Variants in DAAM2 observed in about 807,000 individuals in gnomAD.
The protein encoded by DAAM2 is disheveled-associated activator of morphogenesis 2.
A neutral mutation model predicts 120.7 loss-of-function variants in DAAM2; 39 were observed. The ratio of observed to expected loss-of-function variants is 0.32; its 90% CI spans 0.25 to 0.42. The LOEUF is 0.42. Among genes scored for constraint, DAAM2 ranks in the 10% least tolerant of loss-of-function variants. The pLI is 1.00. For synonymous variants in DAAM2, 488 were observed against 524.9 expected (o/e 0.93, Z 0.96); for missense variants, 1,283 against 1,401.7 (o/e 0.92, Z 1.35).
chr6:39,831,216 G>A (rs1383780049), intron 1 of DAAM2, among the ~76,000 whole-genome samples: 1 of 152,176 alleles, frequency 6.6e-6, no homozygotes. Flanking sequence ...TTGTGGGAGG[G>A]ATAATGAATA....
At chr6:39,866,504 T>G (rs1474764587) in intron 5 of DAAM2, among the ~76,000 whole-genome samples, 1 of 152,248 alleles carries the variant, frequency 6.6e-6, no homozygotes, top group Non-Finnish European at 1.5e-5. Flanking sequence ...TCATTAATTA[T>G]TTTACTAAAT....
At chr6:39,847,377 T>G (rs1268753236) in intron 1 of DAAM2, among the ~76,000 whole-genome samples, 1 of 152,120 alleles carries the variant, frequency 6.6e-6, no homozygotes, top group Non-Finnish European at 1.5e-5. Context: ...TCCCTGCGCC[T>G]TTCAGTAACA....
At chr6:39,833,977 A>G (rs1763011616) in intron 1 of DAAM2, among the ~76,000 whole-genome samples, 1 of 152,206 alleles carries the variant, frequency 6.6e-6, no homozygotes, top group South Asian at 2.1e-4. Context: ...GAAGTCAAGC[A>G]ACTTTCCCAA....
At chr6:39,864,368 C>T (rs1298860584) in intron 3 of DAAM2, 65 bp from the exon 4 acceptor site, 4 of 1,274,042 alleles carry the variant, frequency 3.1e-6, no homozygotes, top group Non-Finnish European at 4.5e-6. Flanking sequence ...CGGAATGAAG[C>T]TCAGGATCTC....
chr6:39,880,982 C>T (rs1346181855), intron 14 of DAAM2, among the ~76,000 whole-genome samples: 2 of 152,220 alleles, frequency 1.3e-5, no homozygotes, highest in Non-Finnish European at 2.9e-5. Flanking sequence ...CAGAAAATAA[C>T]ATTTTGTATT....
intron 17 of DAAM2, among the ~76,000 whole-genome samples, chr6:39,890,666 T>G (rs1765656492): frequency 6.6e-6 from 1 of 152,242 alleles, no homozygotes; most frequent in African/African-American, 2.4e-5. Flanking sequence ...TGAATGATGA[T>G]TCAATGGATG....
Position 39,900,070 on chromosome 6 carries a change from T to C in DAAM2, c.2680-7T>C. The C allele has an allele frequency of 1.3e-6, 2 of 1,599,802 alleles. No homozygotes were observed. The highest frequency in any genetic ancestry group is 1.7e-6 in the Non-Finnish European group (2 of 1,173,390). The stretch of plus-strand genomic sequence containing the variant: ...AGTCTAAGCAGCACTTCACCCTCCC[T>C]CCTCAGGAGCTGGAGTATCAGAGGC... On this transcript the variant is annotated splice_region_variant and splice_polypyrimidine_tract_variant and intron_variant, in intron 22 of 24. Coordinates refer to ENST00000274867, the MANE Select transcript of DAAM2 (RefSeq NM_001201427.2).
intron 2 of DAAM2, 149 bp downstream of exon 2, chr6:39,856,619 A>G (rs1413157574): frequency 3.1e-5 from 17 of 550,256 alleles, no homozygotes; most frequent in South Asian, 4.4e-5. Flanking sequence ...CACCTCAGCT[A>G]TGTTGGGGAA....
At position 39,884,152 on chromosome 6, in the gene DAAM2, CTTCCT is replaced by C. The variant is rs879010317; in HGVS notation, c.1953+100_1953+104del. On this transcript the variant is annotated intron_variant, in intron 15 of 24. Transcript: ENST00000274867. ...TCTCCTTTTCTTTCTGCCTGCCTGC[CTTCCT>C]TTCCTTTCCTTTCCTTCCTTCCCTT... The C allele has an allele frequency of 2.0e-4, 148 of 733,960 alleles. 1 individual carries two copies. The highest frequency in any genetic ancestry group is 8.1e-4 in the East Asian group (30 of 36,912). The allele number at this position is 733,960 out of a possible 1,614,324, so 45.5% of individuals were successfully genotyped here.
At chr6:39,897,392 G>A (rs770010343) in intron 21 of DAAM2, 110 bp downstream of exon 21, 19 of 689,886 alleles carry the variant, frequency 2.8e-5, no homozygotes, top group African/African-American at 1.1e-4. Context: ...GTGAGACCTC[G>A]GTTCTTGTCT....
intron 1 of DAAM2, among the ~76,000 whole-genome samples, chr6:39,818,566 T>C (rs1298072175): frequency 6.6e-6 from 1 of 152,206 alleles, no homozygotes; most frequent in Non-Finnish European, 1.5e-5. Flanking sequence ...AGAACATGGG[T>C]TGTAGCATGG....
chr6:39,816,977 C>T (rs145261749), intron 1 of DAAM2, among the ~76,000 whole-genome samples: 84 of 152,336 alleles, frequency 5.5e-4, no homozygotes, highest in Middle Eastern at 3.4e-3. Context: ...GTTTAACATT[C>T]TTGTTGCCGT....
intron 19 of DAAM2, among the ~76,000 whole-genome samples, chr6:39,895,345 C>T (rs139510333): frequency 0.011 from 1,641 of 152,126 alleles, 18 homozygotes; most frequent in African/African-American, 0.037. Flanking sequence ...AAGCAATTCT[C>T]CTGTCTCAGC....
chr6:39,850,826 A>G (rs1376165168), intron 1 of DAAM2, among the ~76,000 whole-genome samples: 1 of 152,184 alleles, frequency 6.6e-6, no homozygotes. Flanking sequence ...CTGTGTCTGA[A>G]GGTAGGAAAG....
At chr6:39,848,586 C>T (rs1422300229) in intron 1 of DAAM2, 2 of 152,172 alleles carry the variant, frequency 1.3e-5, no homozygotes, top group African/African-American at 2.4e-5. Context: ...AGCGATGCCC[C>T]CTGTGTCTCC....
chr6:39,890,508 T>C (rs150857845), intron 17 of DAAM2, among the ~76,000 whole-genome samples: 1 of 152,252 alleles, frequency 6.6e-6, no homozygotes, highest in East Asian at 1.9e-4. Flanking sequence ...AAGTCAGACA[T>C]AAAAGAGAGC....
Position 39,904,415 on chromosome 6 carries a change from G to A in DAAM2, c.*2378G>A, listed in dbSNP as rs764671362. 1.3e-5 allele frequency: 6 copies of A among 455,316 alleles called. No homozygotes were observed. Among genetic ancestry groups the A allele is most frequent in the Non-Finnish European group, 2.6e-5 (6 of 226,988 alleles). The allele number at this position is 455,316 out of a possible 1,614,324, so 28.2% of individuals were successfully genotyped here. On this transcript the variant is annotated 3_prime_UTR_variant, in exon 25 of 25. Transcript: ENST00000274867. The stretch of plus-strand genomic sequence containing the variant: ...GCTGGTGCCCAGTCGGGGTGGCTGA[G>A]CTGGTCCTTAATAGGTTGTTTCTTG...
intron 1 of DAAM2, among the ~76,000 whole-genome samples, chr6:39,817,799 G>C (rs1463707630): frequency 1.3e-5 from 2 of 152,098 alleles, no homozygotes; most frequent in African/African-American, 4.8e-5. Context: ...GCCTCCAACT[G>C]ATCAAATGAG....
rs147784048 is a variant in DAAM2, at chr6:39,896,572, G to A, written c.2342-240G>A. The stretch of plus-strand genomic sequence containing the variant: ...TTGTCTTCTTGGGAAGAGCTGGCAC[G>A]TCCTACAAATGGGGTATCTGGTGAA... On this transcript the variant is annotated intron_variant, in intron 19 of 24. Coordinates refer to ENST00000274867, the MANE Select transcript of DAAM2 (RefSeq NM_001201427.2). Among the ~76,000 whole-genome samples the A allele has an allele frequency of 3.2e-3, 486 of 152,268 alleles. 1 individual carries two copies. The highest frequency in any genetic ancestry group is 0.01 in the Middle Eastern group (3 of 294).
Sources: gnomAD v4.1 joint callset for allele counts (sites outside exome capture counted in the v4.1 genomes callset) on GRCh38, gnomAD v4.1.1 for gene constraint, MANE v1.5 for transcripts, NCBI Gene and HGNC (gene_info 2026-07-23, HGNC 2026-07-21) for gene names.